The following DCAF10 variants were observed in gnomAD, a reference collection of about 807,000 sequenced individuals.
The protein encoded by DCAF10 is DDB1 and CUL4 associated factor 10.
A neutral mutation model predicts 51.9 loss-of-function variants in DCAF10; 19 were observed. The ratio of observed to expected loss-of-function variants is 0.37; its 90% CI spans 0.26 to 0.54. DCAF10 has a LOEUF of 0.54. Among genes scored for constraint, DCAF10 ranks in the 20% least tolerant of loss-of-function variants. The probability of loss-of-function intolerance (pLI) is 0.87; values close to 1 mark genes in which losing one functional copy is unlikely to be tolerated. For synonymous variants in DCAF10, 291 were observed against 297.1 expected, an observed-to-expected ratio of 0.98 and a Z score of 0.21; for missense variants, 510 against 730.6, an observed-to-expected ratio of 0.70 and a Z score of 3.48.
intron 3 of DCAF10, among the ~76,000 whole-genome samples, chr9:37,852,638 T>C (rs1479469414): frequency 2.6e-5 from 4 of 152,046 alleles, no homozygotes; most frequent in African/African-American, 7.2e-5. Context: ...AGGCTGGGCA[T>C]GGTGGCTCAC....
Position 37,800,967 on chromosome 9 carries a change from C to T in DCAF10, c.101C>T (p.Pro34Leu), listed in dbSNP as rs763958770. Residue 34 changes from proline (P) to leucine (L), a missense_variant, in exon 1 of 7, where the codon CCG becomes CTG. Pro to Leu is a moderately conservative substitution (Grantham distance 98). This residue lies in a region of DCAF10 where 251 missense variants were observed against 227.9 expected (regional missense o/e 1.10). Coordinates refer to ENST00000377724, the MANE Select transcript of DCAF10 (RefSeq NM_024345.5). ...PHEGQAAATG[P>L]PSPLHPGADA... ...GAGGGGCAGGCAGCAGCCACCGGGC[C>T]GCCCTCGCCACTACATCCCGGGGCT... The T allele has an allele frequency of 1.3e-6, 2 of 1,510,706 alleles. No homozygotes were observed. The highest frequency in any genetic ancestry group is 2.5e-5 in the South Asian group (2 of 79,590). The allele number at this position is 1,510,706 out of a possible 1,614,324, so 93.6% of individuals were successfully genotyped here. A position where few individuals can be genotyped will look rare whatever the true frequency, so the allele number is the denominator to read the frequency against.
intron 1 of DCAF10, among the ~76,000 whole-genome samples, chr9:37,810,982 G>A (rs1000160190): frequency 1.3e-5 from 2 of 152,010 alleles, no homozygotes; most frequent in African/African-American, 2.4e-5. Flanking sequence ...TCAGATTGCC[G>A]GCACCTCTAC....
At chr9:37,828,709 G>T (rs904937463) in intron 2 of DCAF10, among the ~76,000 whole-genome samples, 2 of 152,110 alleles carry the variant, frequency 1.3e-5, no homozygotes, top group Non-Finnish European at 2.9e-5. Context: ...ACAGACCTGT[G>T]TATCTATAAA....
intron 2 of DCAF10, 27 bp downstream of exon 2, chr9:37,819,428 T>G (rs1829639569): frequency 1.9e-6 from 3 of 1,563,374 alleles, no homozygotes; most frequent in Middle Eastern, 1.8e-4. Context: ...AAAAGTGAAC[T>G]TTATCAGTGT....
In DCAF10 at chr9:37,861,022, T is replaced by C; in HGVS notation, c.1312-118T>C. 7.2e-7 allele frequency: 1 copy of C among 1,389,082 alleles called. No homozygotes were observed. Among genetic ancestry groups the C allele is most frequent in the African/African-American group, 1.4e-5 (1 of 69,440 alleles). The allele number at this position is 1,389,082 out of a possible 1,614,324, so 86.0% of individuals were successfully genotyped here. Reference sequence around the variant, plus strand: ...GGGAGGGGGATAGCATTATTCTGAGTGATTTCTTGTAAAAATTCTGTGGCT... The same window carrying C: ...GGGAGGGGGATAGCATTATTCTGAGCGATTTCTTGTAAAAATTCTGTGGCT... On this transcript the variant is annotated intron_variant, in intron 6 of 6. Coordinates refer to ENST00000377724, the MANE Select transcript of DCAF10 (RefSeq NM_024345.5). The surrounding 1 kb of genome is among the most constrained non-coding windows in gnomAD (Gnocchi z 4.9).
chr9:37,836,305 A>T, intron 2 of DCAF10: 1 of 1,604,322 alleles, frequency 6.2e-7, no homozygotes, highest in Non-Finnish European at 8.5e-7. Context: ...GTTGCCATGG[A>T]AGTAACAAAG....
rs369295106 is a variant in DCAF10, at chr9:37,860,670, G to T, written c.1312-470G>T. ...GAAGGGACTATACTGATGACTAGGGGGAAAGGTGTTAAATGACTTTATGAT... is the reference window on the plus strand; with the variant it reads ...GAAGGGACTATACTGATGACTAGGGTGAAAGGTGTTAAATGACTTTATGAT... On this transcript the variant is annotated intron_variant, in intron 6 of 6. Transcript: ENST00000377724. 3.9e-5 allele frequency among the ~76,000 whole-genome samples: 6 copies of T among 152,218 alleles called. No homozygotes were observed. In the East Asian group the frequency reaches 5.8e-4, roughly 15 times the overall value.
intron 3 of DCAF10, among the ~76,000 whole-genome samples, chr9:37,843,114 C>T (rs1214577512): frequency 6.6e-6 from 1 of 152,172 alleles, no homozygotes; most frequent in African/African-American, 2.4e-5. Flanking sequence ...ATCTCCCAGG[C>T]TTAAGTGATC....
chr9:37,848,833 C>A (rs1015513475), intron 3 of DCAF10, among the ~76,000 whole-genome samples: 1 of 151,720 alleles, frequency 6.6e-6, no homozygotes. Context: ...ATTAGCAGGG[C>A]GTGGTGGTGG....
At chr9:37,809,739 A>G (rs959675225) in intron 1 of DCAF10, among the ~76,000 whole-genome samples, 14 of 152,218 alleles carry the variant, frequency 9.2e-5, no homozygotes, top group South Asian at 2.1e-4. Flanking sequence ...AGGCTGAGGC[A>G]GGAGAATCGC....
Position 37,860,250 on chromosome 9 carries a change from GT to G in DCAF10, c.1311+58del, listed in dbSNP as rs1830975428. 3 of 1,607,576 alleles carry G rather than the reference GT, an allele frequency of 1.9e-6. No homozygotes were observed. In the Admixed American group the frequency reaches 5.0e-5, roughly 27 times the overall value. On this transcript the variant is annotated intron_variant, in intron 6 of 6. Coordinates refer to ENST00000377724, the MANE Select transcript of DCAF10 (RefSeq NM_024345.5). Reference sequence around the variant, plus strand: ...GCTCATTGGACAAATTGCCATTGCCGTGTGTGCAGAGCTTAGGCCGATCGCT... The same window carrying G: ...GCTCATTGGACAAATTGCCATTGCCGGTGTGCAGAGCTTAGGCCGATCGCT...
chr9:37,858,590 A>C (rs138928721), intron 5 of DCAF10: 1 of 152,240 alleles, frequency 6.6e-6, no homozygotes, highest in African/African-American at 2.4e-5. Flanking sequence ...AAGAGATGAT[A>C]TATGAGGAGG....
At chr9:37,840,296 G>A (rs1187883976) in intron 2 of DCAF10, among the ~76,000 whole-genome samples, 1 of 152,134 alleles carries the variant, frequency 6.6e-6, no homozygotes, top group Non-Finnish European at 1.5e-5. Flanking sequence ...GCCTCAGGGA[G>A]GTTCTTCAGG....
At chr9:37,805,034 C>G (rs1829070042) in intron 1 of DCAF10, among the ~76,000 whole-genome samples, 1 of 152,022 alleles carries the variant, frequency 6.6e-6, no homozygotes, top group African/African-American at 2.4e-5. Flanking sequence ...ATTCTAAGTT[C>G]AGAGAGAAGG....
Position 37,846,412 on chromosome 9 carries a change from G to A in DCAF10, c.851+4126G>A, listed in dbSNP as rs181858697. ...ATTAGGCAACACAGATGAACAGATA[G>A]ACACCTAAGGAGTCACAAATTACTG... On this transcript the variant is annotated intron_variant, in intron 3 of 6. Transcript: ENST00000377724. Among the ~76,000 whole-genome samples the A allele has an allele frequency of 1.6e-3, 246 of 152,270 alleles. 1 individual carries two copies. Among genetic ancestry groups the A allele is most frequent in the African/African-American group, 5.2e-3 (217 of 41,548 alleles).
intron 1 of DCAF10, among the ~76,000 whole-genome samples, chr9:37,804,274 C>T (rs902324943): frequency 1.5e-5 from 2 of 129,254 alleles, no homozygotes; most frequent in Non-Finnish European, 3.4e-5. Flanking sequence ...TCTTCAGGAA[C>T]TCTGGCTAAC....
intron 1 of DCAF10, among the ~76,000 whole-genome samples, chr9:37,818,575 G>T (rs912743526): frequency 3.3e-5 from 5 of 152,098 alleles, no homozygotes; most frequent in African/African-American, 1.2e-4. Context: ...CAGTGGGGAA[G>T]GCCTGAAACA....
At chr9:37,849,917 G>A (rs538676538) in intron 3 of DCAF10, among the ~76,000 whole-genome samples, 5 of 152,114 alleles carry the variant, frequency 3.3e-5, no homozygotes, top group Non-Finnish European at 7.4e-5. Context: ...ACATTAGCCA[G>A]GTGTGGCCGT....
At chr9:37,823,855 T>TATTTTATACTTAG in intron 2 of DCAF10, among the ~76,000 whole-genome samples, 1 of 151,952 alleles carries the variant, frequency 6.6e-6, no homozygotes. Flanking sequence ...ATCCAGTTTG[T>TATTTTATACTTAG]ATTTTATACT....
Sources: gnomAD v4.1 joint callset for allele counts (sites outside exome capture counted in the v4.1 genomes callset) on GRCh38, gnomAD v4.1.1 for gene constraint, gnomAD v4.1.1 regional missense constraint, Gnocchi (gnomAD v3.1) non-coding constraint, MANE v1.5 for transcripts, NCBI Gene and HGNC (gene_info 2026-07-23, HGNC 2026-07-21) for gene names.